The following PDE1C variants were observed in gnomAD, a reference collection of about 807,000 sequenced individuals.
PDE1C encodes phosphodiesterase 1C, also known as dual specificity calcium/calmodulin-dependent 3',5'-cyclic nucleotide phosphodiesterase 1C.
PDE1C carries 62 observed loss-of-function variants against 93.1 expected under a neutral mutation model. The ratio of observed to expected loss-of-function variants is 0.67; its 90% CI spans 0.54 to 0.82. The LOEUF (loss-of-function observed/expected upper bound fraction) is 0.82, where lower values mean the gene tolerates loss of function less well. Ranked by LOEUF, PDE1C falls within the 40% of genes least tolerant of loss-of-function variation. PDE1C has a pLI of 0.00. For synonymous variants in PDE1C, 325 were observed against 310.1 expected (o/e 1.05, Z -0.50); for missense variants, 742 against 884.6 (o/e 0.84, Z 2.04).
the PDE1C span, among the ~76,000 whole-genome samples, chr7:31,676,763 T>TAGAAACAA: frequency 1.3e-5 from 2 of 152,106 alleles, no homozygotes; most frequent in Admixed American, 1.3e-4. Flanking sequence ...ACAAAAATTG[T>TAGAAACAA]TTCTATGAAT....
the PDE1C span, among the ~76,000 whole-genome samples, chr7:31,729,724 G>A: frequency 6.6e-6 from 1 of 152,200 alleles, no homozygotes; most frequent in African/African-American, 2.4e-5. Flanking sequence ...AGGTAATGAA[G>A]TGGGTTTGGG....
At chr7:32,036,176 T>C (rs982405715) in intron 2 of PDE1C, among the ~76,000 whole-genome samples, 5 of 152,144 alleles carry the variant, frequency 3.3e-5, no homozygotes, top group Non-Finnish European at 5.9e-5. Flanking sequence ...GAGAACCACA[T>C]ACGCAAGAAA....
At chr7:32,359,380 G>A (rs965803021) in intron 1 of PDE1C, among the ~76,000 whole-genome samples, 1 of 147,474 alleles carries the variant, frequency 6.8e-6, no homozygotes, top group Non-Finnish European at 1.5e-5. Context: ...TTAACGGTAT[G>A]TATGTGTATA....
chr7:31,789,107 CAG>C (rs1784303943), intron 16 of PDE1C: 1 of 152,126 alleles, frequency 6.6e-6, no homozygotes, highest in African/African-American at 2.4e-5. Context: ...GGGAAGGACT[CAG>C]AGATTCCTGT....
chr7:32,346,642 C>A (rs1056108768), intron 1 of PDE1C, among the ~76,000 whole-genome samples: 1 of 152,220 alleles, frequency 6.6e-6, no homozygotes, highest in Non-Finnish European at 1.5e-5. Flanking sequence ...TGCTTTGGTA[C>A]CTTTAATGAC....
chr7:32,041,235 C>A (rs183413440), intron 2 of PDE1C, among the ~76,000 whole-genome samples: 4 of 152,256 alleles, frequency 2.6e-5, no homozygotes, highest in African/African-American at 9.6e-5. Context: ...GAAACCCACA[C>A]AAGCATTTCA....
intron 3 of PDE1C, among the ~76,000 whole-genome samples, chr7:32,082,881 G>A (rs1796795036): frequency 6.6e-6 from 1 of 151,420 alleles, no homozygotes; most frequent in Non-Finnish European, 1.5e-5. Flanking sequence ...ACCAAAAGTA[G>A]ATAAAACCAC....
intron 1 of PDE1C, among the ~76,000 whole-genome samples, chr7:32,316,822 G>T (rs561983352): frequency 7.9e-5 from 12 of 152,282 alleles, no homozygotes; most frequent in East Asian, 7.7e-4. Flanking sequence ...GTTACCAAAA[G>T]GTACTTTTTT....
the PDE1C span, among the ~76,000 whole-genome samples, chr7:31,635,688 C>G: frequency 6.6e-6 from 1 of 151,952 alleles, no homozygotes; most frequent in Admixed American, 6.6e-5. Flanking sequence ...GAAGAAATAC[C>G]CAAGACTGGG....
upstream of PDE1C, chr7:32,299,505 A>G: frequency 2.5e-6 from 2 of 805,552 alleles, no homozygotes; most frequent in Non-Finnish European, 3.0e-6. Flanking sequence ...ACCATTCCAA[A>G]TAGCTTGTCC....
At chr7:31,788,526 G>A (rs1338483712) in intron 16 of PDE1C, 1 of 152,060 alleles carries the variant, frequency 6.6e-6, no homozygotes, top group East Asian at 1.9e-4. Flanking sequence ...CAACTACCCT[G>A]TTTTGACAGC....
chr7:31,687,909 G>A, the PDE1C span, among the ~76,000 whole-genome samples: 46 of 152,226 alleles, frequency 3.0e-4, 1 homozygote, highest in Admixed American at 3.9e-4. Flanking sequence ...TCAGAATACC[G>A]TATGGTAAGC....
At chr7:31,841,627 T>C (rs1023218238) in intron 9 of PDE1C, among the ~76,000 whole-genome samples, 3 of 152,152 alleles carry the variant, frequency 2.0e-5, no homozygotes, top group Non-Finnish European at 2.9e-5. Context: ...GATGACTGTA[T>C]GATTTTCTGT....
At chr7:31,965,700 G>C (rs1809817310) in intron 2 of PDE1C, among the ~76,000 whole-genome samples, 1 of 152,326 alleles carries the variant, frequency 6.6e-6, no homozygotes, top group African/African-American at 2.4e-5. Flanking sequence ...GTTAAGGGCA[G>C]CCAGAGAGAA....
In PDE1C at chr7:32,347,756, T is replaced by C. The variant is rs74841248; in HGVS notation, c.310+80066A>G. On this transcript the variant is annotated intron_variant, in intron 1 of 1. Transcript: ENST00000672256. Reference sequence around the variant, plus strand: ...CAAACATCTGGAGTCTTCAGTTATATAGCTTCAAGGAAACAAAATCTGCCA... The same window carrying C: ...CAAACATCTGGAGTCTTCAGTTATACAGCTTCAAGGAAACAAAATCTGCCA... Among the ~76,000 whole-genome samples, 10 of 152,190 alleles carry C rather than the reference T, an allele frequency of 6.6e-5. No individual in the cohort carries two copies. In the East Asian group the frequency reaches 1.7e-3, roughly 26 times the overall value.
At chr7:31,622,923 T>C in the PDE1C span, among the ~76,000 whole-genome samples, 1 of 152,090 alleles carries the variant, frequency 6.6e-6, no homozygotes, top group Non-Finnish European at 1.5e-5. Flanking sequence ...ATAAAGGGGA[T>C]ATCACCACCA....
chr7:32,110,513 A>T (rs1356000639), intron 3 of PDE1C, among the ~76,000 whole-genome samples: 1 of 151,668 alleles, frequency 6.6e-6, no homozygotes, highest in Non-Finnish European at 1.5e-5. Context: ...TCATTGAAGG[A>T]CTAACCTCAG....
At chr7:32,047,037 G>A (rs891093670) in intron 2 of PDE1C, among the ~76,000 whole-genome samples, 2 of 128,106 alleles carry the variant, frequency 1.6e-5, no homozygotes, top group African/African-American at 5.9e-5. Flanking sequence ...ATAGGGGTGT[G>A]TGTGTGTGTG....
the PDE1C span, among the ~76,000 whole-genome samples, chr7:31,618,119 C>T: frequency 1.3e-5 from 2 of 152,152 alleles, no homozygotes; most frequent in Non-Finnish European, 2.9e-5. Context: ...TCTTGGTGCC[C>T]ATCATTGTGA....
Sources: gnomAD v4.1 joint callset for allele counts (sites outside exome capture counted in the v4.1 genomes callset) on GRCh38, gnomAD v4.1.1 for gene constraint, MANE v1.5 for transcripts, NCBI Gene and HGNC (gene_info 2026-07-23, HGNC 2026-07-21) for gene names.